The following AIG1 variants were observed in gnomAD, a reference collection of about 807,000 sequenced individuals.
The protein encoded by AIG1 is androgen-induced gene 1 protein.
AIG1 carries 23 observed loss-of-function variants against 31.4 expected under a neutral mutation model. That is an observed-to-expected ratio of 0.73 (90% confidence interval 0.53 to 1.04). The LOEUF is 1.04. AIG1 is among the 50% of genes least tolerant of loss of function. AIG1 has a pLI of 0.00. For missense variants in AIG1, 274 were observed against 295.0 expected, an observed-to-expected ratio of 0.93 and a Z score of 0.52; for synonymous variants, 100 against 110.5, an observed-to-expected ratio of 0.90 and a Z score of 0.60.
At chr6:143,187,651 T>C (rs1274178025) in intron 3 of AIG1, 1 of 1,536,138 alleles carries the variant, frequency 6.5e-7, no homozygotes, top group South Asian at 1.2e-5. Flanking sequence ...TAAAGTTTTC[T>C]TGGCACGCTT....
At chr6:143,247,932 A>G (rs1794726932) in intron 3 of AIG1, among the ~76,000 whole-genome samples, 1 of 152,150 alleles carries the variant, frequency 6.6e-6, no homozygotes, top group Admixed American at 6.5e-5. Flanking sequence ...TTTTCCTTAC[A>G]AAAACATGAG....
chr6:143,311,071 G>T (rs1331571022), intron 4 of AIG1, among the ~76,000 whole-genome samples: 1 of 151,896 alleles, frequency 6.6e-6, no homozygotes, highest in Non-Finnish European at 1.5e-5. Context: ...TAGAAGCAGA[G>T]GGAATACCTC....
chr6:143,320,588 G>A (rs1722644848), intron 4 of AIG1, among the ~76,000 whole-genome samples: 1 of 152,156 alleles, frequency 6.6e-6, no homozygotes, highest in Admixed American at 6.5e-5. Context: ...ATTATTCTGA[G>A]TGAAATAAAC....
chr6:143,087,060 G>C (rs1455373556), intron 1 of AIG1, among the ~76,000 whole-genome samples: 1 of 152,212 alleles, frequency 6.6e-6, no homozygotes, highest in Non-Finnish European at 1.5e-5. Context: ...TGAGTCTTAA[G>C]TCAGGCAGCC....
At chr6:143,060,638 G>A (rs936170924), upstream of AIG1, 4 of 457,676 alleles carry the variant, frequency 8.7e-6, no homozygotes, top group Admixed American at 2.4e-5. Context: ...GCGAACGCAG[G>A]AGCAGAATGA....
In AIG1 at chr6:143,085,812, G is replaced by A. The variant is rs1327830371; in HGVS notation, c.141+24746G>A. Reference sequence around the variant, plus strand: ...ATTGTGGTTTTTCTCTCAATCACCCGGGAGGTGCCATCTGTCCTCCTGTCC... The same window carrying A: ...ATTGTGGTTTTTCTCTCAATCACCCAGGAGGTGCCATCTGTCCTCCTGTCC... On this transcript the variant is annotated intron_variant, in intron 1 of 5. Coordinates refer to ENST00000357847, the MANE Select transcript of AIG1 (RefSeq NM_016108.4). Among the ~76,000 whole-genome samples, 4 of 152,152 alleles carry A rather than the reference G, an allele frequency of 2.6e-5. 1 individual carries two copies. Among genetic ancestry groups the A allele is most frequent in the South Asian group, 4.1e-4 (2 of 4,826 alleles).
Position 143,333,120 on chromosome 6 carries a change from G to A in AIG1, c.516-162G>A, listed in dbSNP as rs1464384400. On this transcript the variant is annotated intron_variant, in intron 4 of 5. Coordinates refer to ENST00000357847, the MANE Select transcript of AIG1 (RefSeq NM_016108.4). The surrounding 1 kb of genome is among the most constrained non-coding windows in gnomAD (Gnocchi z 4.6). ...AATAAAAAGTAAATGAAAATAAACA[G>A]CAACCAAGTTTCCAGTAGCTCCTGA... 3.3e-5 allele frequency among the ~76,000 whole-genome samples: 5 copies of A among 152,206 alleles called. No homozygotes were observed. Among genetic ancestry groups the A allele is most frequent in the Non-Finnish European group, 7.3e-5 (5 of 68,036 alleles).
intron 3 of AIG1, among the ~76,000 whole-genome samples, chr6:143,270,260 C>T (rs979153198): frequency 1.3e-5 from 2 of 152,162 alleles, no homozygotes; most frequent in Non-Finnish European, 2.9e-5. Flanking sequence ...CTAGAGTCTC[C>T]ATTCATCTGA....
chr6:143,304,109 C>G (rs1326413183), intron 4 of AIG1, among the ~76,000 whole-genome samples: 1 of 151,460 alleles, frequency 6.6e-6, no homozygotes, highest in African/African-American at 2.4e-5. Context: ...TGCTTATCAG[C>G]TTAAGGAGAT....
At chr6:143,071,151 G>A (rs1051649904) in intron 1 of AIG1, among the ~76,000 whole-genome samples, 2 of 152,020 alleles carry the variant, frequency 1.3e-5, no homozygotes, top group Non-Finnish European at 2.9e-5. Context: ...TATGATTTTT[G>A]TCATTTCAAG....
chr6:143,263,121 C>T (rs1423206869), intron 3 of AIG1, among the ~76,000 whole-genome samples: 1 of 152,052 alleles, frequency 6.6e-6, no homozygotes, highest in Non-Finnish European at 1.5e-5. Flanking sequence ...ACCTTTACTC[C>T]CCCCAGTTGT....
At chr6:143,302,572 GCATAGTATTC>G (rs1798908069) in intron 4 of AIG1, among the ~76,000 whole-genome samples, 1 of 152,114 alleles carries the variant, frequency 6.6e-6, no homozygotes, top group Admixed American at 6.5e-5. Context: ...TTTTATGGCT[GCATAGTATTC>G]CATGGTGTAT....
intron 3 of AIG1, among the ~76,000 whole-genome samples, chr6:143,235,714 G>A (rs111369017): frequency 3.9e-4 from 60 of 152,206 alleles, no homozygotes; most frequent in Non-Finnish European, 1.5e-4. Context: ...TAGGTTTTAC[G>A]TGACATGGAT....
chr6:143,267,439 T>C (rs1478083490), intron 3 of AIG1, among the ~76,000 whole-genome samples: 1 of 152,226 alleles, frequency 6.6e-6, no homozygotes, highest in African/African-American at 2.4e-5. Context: ...CACACAGCTA[T>C]TTTTATAATC....
chr6:143,305,070 A>T lies in AIG1; in HGVS notation c.515+20845A>T, dbSNP rs186031238. ...TTGTGTTTCTGTGGGATCAGTGGTG[A>T]TATCCCCTTTATCATTTTTTATTGT... On this transcript the variant is annotated intron_variant, in intron 4 of 5. Coordinates refer to ENST00000357847, the MANE Select transcript of AIG1 (RefSeq NM_016108.4). Among the ~76,000 whole-genome samples, 753 of 152,210 alleles carry T rather than the reference A, an allele frequency of 4.9e-3. 3 individuals are homozygous for T. The highest frequency in any genetic ancestry group is 0.017 in the African/African-American group (720 of 41,526).
chr6:143,175,900 G>A (rs551278048), intron 3 of AIG1, among the ~76,000 whole-genome samples: 1 of 152,250 alleles, frequency 6.6e-6, no homozygotes. Context: ...CATGTTACCA[G>A]AATTGTTTTT....
At chr6:143,098,718 C>T (rs547284714) in intron 1 of AIG1, among the ~76,000 whole-genome samples, 2 of 152,318 alleles carry the variant, frequency 1.3e-5, no homozygotes, top group South Asian at 4.1e-4. Context: ...CCCTTATTCT[C>T]TATCTAAATA....
chr6:143,227,075 T>C (rs1035940407), intron 3 of AIG1, among the ~76,000 whole-genome samples: 21 of 150,664 alleles, frequency 1.4e-4, no homozygotes, highest in Middle Eastern at 3.2e-3. Flanking sequence ...CTTCTTCCAA[T>C]GTGGCCCAGA....
intron 5 of AIG1, among the ~76,000 whole-genome samples, chr6:143,336,725 T>C (rs1042709093): frequency 2.9e-4 from 44 of 152,124 alleles, no homozygotes; most frequent in African/African-American, 1.0e-3. Flanking sequence ...ACATCAACTC[T>C]CAAGTCCAAA....
Sources: allele counts gnomAD v4.1 joint callset (sites outside exome capture counted in the v4.1 genomes callset), GRCh38; gene constraint gnomAD v4.1.1; non-coding constraint Gnocchi (gnomAD v3.1); transcripts MANE v1.5; gene names NCBI Gene and HGNC (gene_info 2026-07-23, HGNC 2026-07-21).